Variants in DMD observed in about 807,000 individuals in gnomAD.
DMD encodes mutant dystrophin.
Under a neutral mutation model 330.1 loss-of-function variants are expected in DMD, and 63 were observed. That is an observed-to-expected ratio of 0.19 (90% CI 0.16 to 0.24). The LOEUF (loss-of-function observed/expected upper bound fraction) is 0.24, where lower values mean the gene tolerates loss of function less well. Ranked by LOEUF, DMD falls within the 10% of genes least tolerant of loss-of-function variation. The pLI, the probability that DMD is intolerant of heterozygous loss-of-function variation, is 1.00. For synonymous variants in DMD, 1,223 were observed against 959.8 expected, an observed-to-expected ratio of 1.27 and a Z score of -5.07; for missense variants, 3,344 against 2,684.1, an observed-to-expected ratio of 1.25 and a Z score of -5.43.
At chrX:32,068,053 G>T (rs7882558) in intron 44 of DMD, among the ~76,000 whole-genome samples, 33,024 of 110,590 alleles carry the variant, frequency 0.3, 4,165 homozygotes, top group East Asian at 0.51. Flanking sequence ...CCAGTCTGAC[G>T]GGTGTGAGAT....
At chrX:32,930,542 T>G (rs1005007086) in intron 2 of DMD, among the ~76,000 whole-genome samples, 3 of 110,946 alleles carry the variant, frequency 2.7e-5, no homozygotes, top group South Asian at 7.6e-4. Context: ...GCCTTCACAA[T>G]CTAATCATAA....
Position 31,929,720 on chromosome X carries a change from C to T in DMD, c.6788G>A (p.Arg2263His), listed in dbSNP as rs780221745. The T allele has an allele frequency of 8.3e-6, 10 of 1,209,305 alleles. No individual in the cohort carries two copies. Among genetic ancestry groups the T allele is most frequent in the African/African-American group, 7.0e-5 (4 of 57,003 alleles). ...VKLLVEELPL[R>H]QGILKQLNET... ...ATTTAATTGTTTGAGAATTCCCTGG[C>T]GCAGGGGCAACTCTTCCACCAGTAA... The change falls in exon 47 of 79, where the codon CGC becomes CAC. Residue 2263 changes from arginine (R) to histidine (H), a missense_variant. By Grantham distance (29) the Arg-to-His change is conservative. Coordinates refer to ENST00000357033, the MANE Select transcript of DMD (RefSeq NM_004006.3).
intron 44 of DMD, among the ~76,000 whole-genome samples, chrX:32,192,106 G>C (rs2096978722): frequency 8.9e-6 from 1 of 111,828 alleles, no homozygotes; most frequent in African/African-American, 3.3e-5. Flanking sequence ...TTAAATATCA[G>C]GAAGCAAAAT....
chrX:33,114,074 A>C (rs1311601125), intron 1 of DMD, among the ~76,000 whole-genome samples: 1 of 109,407 alleles, frequency 9.1e-6, no homozygotes, highest in Non-Finnish European at 1.9e-5. Context: ...TCAATCTGGT[A>C]TTATTGTGTA....
intron 9 of DMD, among the ~76,000 whole-genome samples, chrX:32,656,677 G>T: frequency 9.0e-6 from 1 of 111,441 alleles, no homozygotes; most frequent in East Asian, 2.8e-4. Flanking sequence ...TTGCTTCATC[G>T]TTTTTCAAGT....
rs2069344223 is a variant in DMD, at chrX:31,491,946, G to C, written c.8547+4842C>G. Among the ~76,000 whole-genome samples, 11 of 112,153 alleles carry C rather than the reference G, an allele frequency of 9.8e-5. No homozygotes were observed. In the Admixed American group the frequency reaches 1.0e-3, roughly 11 times the overall value. On this transcript the variant is annotated intron_variant, in intron 57 of 78. Transcript: ENST00000357033. ...ATGAAAGTGAAAATGAACAACATTT[G>C]ATTTTAGTTTCAACTATTGACATTT...
chrX:32,950,063 T>C (rs2091151458), intron 2 of DMD, among the ~76,000 whole-genome samples: 2 of 93,446 alleles, frequency 2.1e-5, no homozygotes, highest in Non-Finnish European at 4.2e-5. Flanking sequence ...ACTATAGCCA[T>C]GAACTAGATT....
chrX:32,831,649 CGTGTGTGTGTGTGTGTGTGTGT>C (rs6151283), intron 4 of DMD, among the ~76,000 whole-genome samples: 247 of 89,758 alleles, frequency 2.8e-3, no homozygotes, highest in African/African-American at 7.3e-3. Flanking sequence ...AAGATATTTA[CGTGTGTGTGTGTGTGTGTGTGT>C]GTGTGTGTGT....
chrX:32,955,642 G>A (rs899200996), intron 2 of DMD, among the ~76,000 whole-genome samples: 1 of 111,660 alleles, frequency 9.0e-6, no homozygotes, highest in Non-Finnish European at 1.9e-5. Context: ...TATTGCCCGG[G>A]TTGTCTTCCA....
chrX:31,320,996 T>G (rs2056372002), intron 62 of DMD, among the ~76,000 whole-genome samples: 1 of 111,498 alleles, frequency 9.0e-6, no homozygotes, highest in African/African-American at 3.3e-5. Flanking sequence ...TCCTAAATTA[T>G]ATACCAAGAT....
chrX:31,121,978 A>AGAT (rs1367036029), intron 78 of DMD, 48 bp from the exon 79 acceptor site: 1 of 944,791 alleles, frequency 1.1e-6, no homozygotes, highest in Admixed American at 2.2e-5. Flanking sequence ...AGGTGCAGAT[A>AGAT]GATAGCATCA....
chrX:32,542,547 G>A (rs753285289), intron 17 of DMD, among the ~76,000 whole-genome samples: 100 of 112,334 alleles, frequency 8.9e-4, no homozygotes, highest in African/African-American at 3.1e-3. Flanking sequence ...CTGGTAGTGT[G>A]TCACAGAAGC....
At chrX:32,434,662 G>A (rs968089489) in intron 29 of DMD, among the ~76,000 whole-genome samples, 2 of 111,789 alleles carry the variant, frequency 1.8e-5, no homozygotes, top group East Asian at 2.8e-4. Context: ...TTTTTAACTA[G>A]ATAGTGGAAA....
At chrX:32,152,280 G>A (rs1384779426) in intron 44 of DMD, among the ~76,000 whole-genome samples, 5 of 111,325 alleles carry the variant, frequency 4.5e-5, no homozygotes, top group Admixed American at 9.6e-5. Flanking sequence ...GGGGGTGGGC[G>A]TTGAGTAAAT....
At chrX:32,910,279 T>C (rs900468439) in intron 2 of DMD, among the ~76,000 whole-genome samples, 5 of 111,465 alleles carry the variant, frequency 4.5e-5, no homozygotes, top group African/African-American at 1.6e-4. Flanking sequence ...AAAATGATTA[T>C]GTAGGACAGC....
intron 1 of DMD, among the ~76,000 whole-genome samples, chrX:33,318,261 A>G (rs1443331618): frequency 9.0e-6 from 1 of 110,848 alleles, no homozygotes; most frequent in Non-Finnish European, 1.9e-5. Context: ...TGATTTGATG[A>G]GTTAAGAATA....
intron 6 of DMD, among the ~76,000 whole-genome samples, chrX:32,815,520 T>TATATATACACACACACACACACAC: frequency 1.3e-5 from 1 of 78,959 alleles, no homozygotes; most frequent in African/African-American, 5.3e-5. Context: ...TATATATATA[T>TATATATACACACACACACACACAC]ACACACACAC....
At chrX:31,842,157 G>A (rs761879600) in intron 48 of DMD, among the ~76,000 whole-genome samples, 32 of 111,540 alleles carry the variant, frequency 2.9e-4, no homozygotes, top group Admixed American at 1.9e-4. Context: ...ATGCCTATGA[G>A]GGTCCAAGAC....
At chrX:33,253,421 T>A (rs1032870449) in intron 1 of DMD, among the ~76,000 whole-genome samples, 1 of 111,817 alleles carries the variant, frequency 8.9e-6, no homozygotes, top group Non-Finnish European at 1.9e-5. Context: ...AAAGACAAGC[T>A]GTATAGAATT....
Sources: allele counts gnomAD v4.1 joint callset (sites outside exome capture counted in the v4.1 genomes callset), GRCh38; gene constraint gnomAD v4.1.1; transcripts MANE v1.5; gene names NCBI Gene and HGNC (gene_info 2026-07-23, HGNC 2026-07-21).